LOXL2: variants seen among roughly 807,000 people sequenced by gnomAD.
LOXL2 encodes the protein lysyl oxidase like 2.
Under a neutral mutation model 93.0 loss-of-function variants are expected in LOXL2, and 70 were observed. The observed-to-expected ratio is 0.75, with a 90% CI of 0.62 to 0.92. The LOEUF (loss-of-function observed/expected upper bound fraction) is 0.92. Ranked by LOEUF, LOXL2 falls within the 40% of genes least tolerant of loss-of-function variation. The pLI is 0.00. For synonymous variants in LOXL2, 438 were observed against 413.2 expected (o/e 1.06, Z -0.73); for missense variants, 973 against 1,054.9 (o/e 0.92, Z 1.08).
At chr8:23,400,101 G>C (rs1418895085) in intron 1 of LOXL2, among the ~76,000 whole-genome samples, 1 of 152,206 alleles carries the variant, frequency 6.6e-6, no homozygotes, top group Non-Finnish European at 1.5e-5. Context: ...TCCAACTTAT[G>C]AGTCTCATTA....
intron 3 of LOXL2, among the ~76,000 whole-genome samples, chr8:23,355,316 C>CT (rs1408089525): frequency 1.3e-5 from 2 of 151,630 alleles, no homozygotes; most frequent in African/African-American, 4.9e-5. Flanking sequence ...ACCATCTCCC[C>CT]CCATATCTCT....
At chr8:23,304,314 G>C (rs182509348) in intron 10 of LOXL2, among the ~76,000 whole-genome samples, 56 of 152,356 alleles carry the variant, frequency 3.7e-4, no homozygotes, top group African/African-American at 1.2e-3. Context: ...AATAGCCCTT[G>C]TTTCAGAATA....
chr8:23,342,167 C>T (rs963623113), intron 3 of LOXL2, among the ~76,000 whole-genome samples: 6 of 152,180 alleles, frequency 3.9e-5, no homozygotes, highest in African/African-American at 1.2e-4. Context: ...CCCTGTACCA[C>T]CTAGACCTGA....
chr8:23,362,026 T>C (rs980254098), intron 2 of LOXL2, among the ~76,000 whole-genome samples: 5 of 151,752 alleles, frequency 3.3e-5, no homozygotes, highest in African/African-American at 4.8e-5. Context: ...AGCAAAAGAA[T>C]TGAAAACAGT....
At chr8:23,328,020 C>T (rs1803609588) in intron 6 of LOXL2, among the ~76,000 whole-genome samples, 1 of 146,728 alleles carries the variant, frequency 6.8e-6, no homozygotes, top group African/African-American at 2.5e-5. Context: ...AACTCGGAGG[C>T]CCTCTCCTGC....
At chr8:23,356,836 T>A (rs533932007) in intron 3 of LOXL2, among the ~76,000 whole-genome samples, 246 of 152,286 alleles carry the variant, frequency 1.6e-3, no homozygotes, top group Non-Finnish European at 3.0e-3. Flanking sequence ...TGGAGATTTG[T>A]GAGGGCCCAT....
At chr8:23,337,621 C>T (rs189881257) in intron 4 of LOXL2, among the ~76,000 whole-genome samples, 121 of 152,342 alleles carry the variant, frequency 7.9e-4, no homozygotes, top group Non-Finnish European at 1.5e-3. Flanking sequence ...CTAACTTCCT[C>T]AGCTGCAACA....
At chr8:23,362,438 A>G (rs1333565152) in intron 2 of LOXL2, among the ~76,000 whole-genome samples, 1 of 152,226 alleles carries the variant, frequency 6.6e-6, no homozygotes, top group Non-Finnish European at 1.5e-5. Context: ...TGGACACTTA[A>G]AAATGTTTAA....
intron 1 of LOXL2, among the ~76,000 whole-genome samples, chr8:23,394,888 CAA>C (rs1443814604): frequency 6.6e-6 from 1 of 152,086 alleles, no homozygotes; most frequent in Non-Finnish European, 1.5e-5. Context: ...AATGGATTAA[CAA>C]AATACGGTAT....
At chr8:23,315,799 C>T (rs1803385369) in intron 9 of LOXL2, among the ~76,000 whole-genome samples, 1 of 152,108 alleles carries the variant, frequency 6.6e-6, no homozygotes, top group African/African-American at 2.4e-5. Context: ...CAGCACCTGT[C>T]TATCTTTCAT....
intron 4 of LOXL2, among the ~76,000 whole-genome samples, chr8:23,339,009 C>A (rs1803839114): frequency 6.6e-6 from 1 of 152,310 alleles, no homozygotes; most frequent in Admixed American, 6.5e-5. Context: ...CCAGGCAGAC[C>A]CAGGGCTTAG....
intron 3 of LOXL2, among the ~76,000 whole-genome samples, chr8:23,351,278 C>T (rs576256539): frequency 1.2e-3 from 190 of 152,290 alleles, no homozygotes; most frequent in African/African-American, 4.3e-3. Flanking sequence ...AGGCTCATTG[C>T]AGAACCAGGC....
chr8:23,349,562 C>T (rs1322555961), intron 3 of LOXL2, among the ~76,000 whole-genome samples: 3 of 151,994 alleles, frequency 2.0e-5, no homozygotes, highest in Admixed American at 6.5e-5. Flanking sequence ...TCCCCTGCCC[C>T]CAAATAGGAC....
At chr8:23,341,358 G>C (rs534297595) in intron 3 of LOXL2, 155 bp from the exon 4 acceptor site, 1 of 655,388 alleles carries the variant, frequency 1.5e-6, no homozygotes, top group South Asian at 1.7e-5. Flanking sequence ...CAACCCCGAG[G>C]GGCACACGGC....
intron 2 of LOXL2, 49 bp downstream of exon 2, chr8:23,367,948 C>T (rs773064077): frequency 1.3e-5 from 19 of 1,506,488 alleles, no homozygotes; most frequent in South Asian, 4.9e-5. Flanking sequence ...AAGGCCACTC[C>T]GGGCCTTGCC....
At chr8:23,397,633 C>T (rs1390114060) in intron 1 of LOXL2, among the ~76,000 whole-genome samples, 3 of 151,970 alleles carry the variant, frequency 2.0e-5, no homozygotes, top group African/African-American at 7.2e-5. Context: ...AAAACATTAG[C>T]TGGGTATGGT....
rs1385456298 is a variant in LOXL2 at position 23,296,923 on chromosome 8, T to G, written c.*1120A>C. Among the ~76,000 whole-genome samples the G allele has an allele frequency of 6.6e-6, 1 of 152,190 alleles. No individual in the cohort carries two copies. ...AAGTTTCAGTAAAAACCACAGGAGTTCAAGAAAGATTATGACTCCTGTTCC... is the reference window on the plus strand; with the variant it reads ...AAGTTTCAGTAAAAACCACAGGAGTGCAAGAAAGATTATGACTCCTGTTCC... On this transcript the variant is annotated 3_prime_UTR_variant, in exon 14 of 14. Coordinates refer to ENST00000389131, the MANE Select transcript of LOXL2 (RefSeq NM_002318.3).
intron 7 of LOXL2, 142 bp from the exon 8 acceptor site, chr8:23,320,194 G>C: frequency 3.5e-6 from 3 of 848,150 alleles, no homozygotes; most frequent in Middle Eastern, 6.9e-4. Context: ...ACCCTTGGGA[G>C]CCCCCGGTGG....
intron 4 of LOXL2, 27 bp downstream of exon 4, chr8:23,340,965 G>A: frequency 1.3e-6 from 2 of 1,592,566 alleles, no homozygotes; most frequent in Non-Finnish European, 1.7e-6. Flanking sequence ...TACCCTCAAA[G>A]CCACCCCTTT....
Sources: gnomAD v4.1 joint callset for allele counts (sites outside exome capture counted in the v4.1 genomes callset) on GRCh38, gnomAD v4.1.1 for gene constraint, MANE v1.5 for transcripts, NCBI Gene and HGNC (gene_info 2026-07-23, HGNC 2026-07-21) for gene names.